Variants in GABRG3 observed in about 807,000 individuals in gnomAD.
The protein encoded by GABRG3 is gamma-aminobutyric acid receptor subunit gamma-3.
A neutral mutation model predicts 48.8 loss-of-function variants in GABRG3; 25 were observed. The observed-to-expected ratio is 0.51, with a 90% CI of 0.37 to 0.72. GABRG3 has a LOEUF of 0.72. Ranked by LOEUF, GABRG3 falls within the 30% of genes least tolerant of loss-of-function variation. The pLI is 0.00. For missense variants in GABRG3, 394 were observed against 577.9 expected, an observed-to-expected ratio of 0.68 and a Z score of 3.26; for synonymous variants, 227 against 217.6, an observed-to-expected ratio of 1.04 and a Z score of -0.38.
At chr15:27,160,871 G>A (rs1381960221) in intron 3 of GABRG3, among the ~76,000 whole-genome samples, 1 of 152,100 alleles carries the variant, frequency 6.6e-6, no homozygotes, top group Non-Finnish European at 1.5e-5. Context: ...TTTCAGAGAA[G>A]TACTGCTTGT....
At chr15:27,145,603 C>CTCTATCTATCTATCTATCCATCATCTA (rs1555405975) in intron 3 of GABRG3, among the ~76,000 whole-genome samples, 1 of 102,298 alleles carries the variant, frequency 9.8e-6, no homozygotes, top group Non-Finnish European at 2.2e-5. Context: ...ATATATCTAT[C>CTCTATCTATCTATCTATCCATCATCTA]TCTATCTATC....
intron 5 of GABRG3, chr15:27,362,620 T>G (rs1895060558): frequency 6.6e-6 from 1 of 152,192 alleles, no homozygotes; most frequent in Non-Finnish European, 1.5e-5. Flanking sequence ...ATACACATGG[T>G]AAAAATGTTT....
chr15:27,107,520 A>G lies in GABRG3; in HGVS notation c.270+80699A>G, dbSNP rs144093338. ...TTCTTTTTTTGTAGTGTTTTTATTT[A>G]TTATTTTTGTTATTAGGGTAATGCT... On this transcript the variant is annotated intron_variant, in intron 3 of 9. Transcript: ENST00000615808. Among the ~76,000 whole-genome samples, 45 of 151,934 alleles carry G rather than the reference A, an allele frequency of 3.0e-4. No individual in the cohort carries two copies. In the East Asian group the frequency reaches 6.6e-3, roughly 22 times the overall value.
chr15:27,527,786 A>G, intron 8 of GABRG3, 147 bp from the exon 9 acceptor site: 1 of 958,634 alleles, frequency 1.0e-6, no homozygotes, highest in Non-Finnish European at 1.6e-6. Context: ...GATTCTGAAG[A>G]TGTGAATGTG....
At chr15:27,079,246 T>C (rs886109659) in intron 3 of GABRG3, among the ~76,000 whole-genome samples, 11 of 152,072 alleles carry the variant, frequency 7.2e-5, no homozygotes, top group Non-Finnish European at 1.6e-4. Flanking sequence ...AGCCAGGAGT[T>C]GCTAAAGGAG....
intron 2 of GABRG3, among the ~76,000 whole-genome samples, chr15:27,001,888 G>GTTTTTTTTTTTTTTTTTTTTTTTTT (rs60516105): frequency 8.2e-6 from 1 of 121,230 alleles, no homozygotes; most frequent in Admixed American, 8.5e-5. Context: ...CCATAACTCA[G>GTTTTTTTTTTTTTTTTTTTTTTTTT]TTTTTTTTTT....
At chr15:27,251,673 G>A (rs139910060) in intron 3 of GABRG3, among the ~76,000 whole-genome samples, 1 of 152,266 alleles carries the variant, frequency 6.6e-6, no homozygotes, top group African/African-American at 2.4e-5. Flanking sequence ...GCAAGCATTT[G>A]GGTGAGGTTT....
At chr15:27,231,235 T>G (rs1432791948) in intron 3 of GABRG3, among the ~76,000 whole-genome samples, 2 of 151,894 alleles carry the variant, frequency 1.3e-5, no homozygotes. Flanking sequence ...TTTCAAAGTA[T>G]TTTCCAAACA....
chr15:27,275,833 T>A (rs1025186331), intron 3 of GABRG3, among the ~76,000 whole-genome samples: 1 of 152,062 alleles, frequency 6.6e-6, no homozygotes, highest in Non-Finnish European at 1.5e-5. Context: ...GCAGGTCCGA[T>A]GGGGAGGCTT....
intron 3 of GABRG3, among the ~76,000 whole-genome samples, chr15:27,055,573 G>T (rs572060234): frequency 6.6e-6 from 1 of 152,278 alleles, no homozygotes; most frequent in South Asian, 2.1e-4. Context: ...AGAACACACG[G>T]TGTTTTCAGC....
intron 3 of GABRG3, among the ~76,000 whole-genome samples, chr15:27,147,835 AATAG>A (rs1328911352): frequency 2.6e-5 from 4 of 151,078 alleles, no homozygotes; most frequent in African/African-American, 9.9e-5. Context: ...GTGCTTCATA[AATAG>A]ATAGCTGCAG....
rs984072997 is a variant in GABRG3 at position 27,306,178 on chromosome 15, C to CAT, written c.271-20627_271-20626dup. ...ATAAACCTATATGTTTATATATAAACATATAATATAAACATATTTATAATA... is the reference window on the plus strand; with the variant it reads ...ATAAACCTATATGTTTATATATAAACATATATAATATAAACATATTTATAATA... On this transcript the variant is annotated intron_variant, in intron 3 of 9. Coordinates refer to ENST00000615808, the MANE Select transcript of GABRG3 (RefSeq NM_033223.5). Among the ~76,000 whole-genome samples, 30 of 128,892 alleles carry CAT rather than the reference C, an allele frequency of 2.3e-4. 1 individual carries two copies. The highest frequency in any genetic ancestry group is 5.8e-4 in the African/African-American group (20 of 34,652). 84.6% of individuals were successfully genotyped at this position (128,892 alleles called of 152,430 possible). A position where few individuals can be genotyped will look rare whatever the true frequency, so the allele number is the denominator to read the frequency against.
intron 5 of GABRG3, among the ~76,000 whole-genome samples, chr15:27,381,693 G>C (rs1895783032): frequency 6.6e-6 from 1 of 152,214 alleles, no homozygotes; most frequent in Admixed American, 6.5e-5. Flanking sequence ...ATGAGAATAA[G>C]AGTGAAGACT....
intron 3 of GABRG3, among the ~76,000 whole-genome samples, chr15:27,262,241 T>C (rs940211506): frequency 3.9e-5 from 6 of 152,222 alleles, no homozygotes; most frequent in Admixed American, 1.3e-4. Context: ...CATTTGCGTC[T>C]GTTTGCTGTT....
intron 3 of GABRG3, among the ~76,000 whole-genome samples, chr15:27,253,525 G>C (rs1029047434): frequency 1.7e-4 from 26 of 152,240 alleles, no homozygotes; most frequent in African/African-American, 5.8e-4. Flanking sequence ...AGGGTTTCCT[G>C]TCCCTGGGAG....
At chr15:27,309,154 CAT>C (rs78961025) in intron 3 of GABRG3, among the ~76,000 whole-genome samples, 70,373 of 139,100 alleles carry the variant, frequency 0.51, 18,654 homozygotes, top group Non-Finnish European at 0.61. Context: ...TATAGAAACA[CAT>C]ATAATGTAAA....
chr15:27,524,952 A>T (rs2150863918), intron 7 of GABRG3, among the ~76,000 whole-genome samples: 1 of 152,274 alleles, frequency 6.6e-6, no homozygotes, highest in Non-Finnish European at 1.5e-5. Flanking sequence ...GCATGATCCA[A>T]CTACAATGTG....
At chr15:27,452,631 C>T (rs547410163) in intron 5 of GABRG3, among the ~76,000 whole-genome samples, 22 of 152,300 alleles carry the variant, frequency 1.4e-4, no homozygotes, top group African/African-American at 5.3e-4. Flanking sequence ...GTAAGTGGAT[C>T]ATCATAGAGG....
At chr15:27,481,765 A>G (rs941535429) in intron 6 of GABRG3, among the ~76,000 whole-genome samples, 3 of 152,200 alleles carry the variant, frequency 2.0e-5, no homozygotes, top group Non-Finnish European at 4.4e-5. Flanking sequence ...TAAATATTAA[A>G]CAATGACGAT....
Sources: gnomAD v4.1 joint callset for allele counts (sites outside exome capture counted in the v4.1 genomes callset) on GRCh38, gnomAD v4.1.1 for gene constraint, MANE v1.5 for transcripts, NCBI Gene and HGNC (gene_info 2026-07-23, HGNC 2026-07-21) for gene names.